Variants in CDH13 observed in about 807,000 individuals in gnomAD.
CDH13 encodes the protein cadherin 13.
In CDH13, 24 loss-of-function variants were observed where a neutral mutation model predicts 63.8. The observed-to-expected ratio is 0.38, with a 90% CI of 0.27 to 0.53. The LOEUF is 0.53. Among genes scored for constraint, CDH13 ranks in the 20% least tolerant of loss-of-function variants. CDH13 has a pLI of 0.85. For missense variants in CDH13, 1,049 were observed against 903.1 expected, an observed-to-expected ratio of 1.16 and a Z score of -2.07; for synonymous variants, 503 against 355.3, an observed-to-expected ratio of 1.42 and a Z score of -4.67.
intron 1 of CDH13, among the ~76,000 whole-genome samples, chr16:82,827,391 C>T (rs2038305887): frequency 6.6e-6 from 1 of 152,126 alleles, no homozygotes; most frequent in Non-Finnish European, 1.5e-5. Context: ...ATGTCTGCCA[C>T]TCACAGAGTG....
At chr16:83,691,692 G>C (rs1255869046) in intron 10 of CDH13, among the ~76,000 whole-genome samples, 1 of 152,042 alleles carries the variant, frequency 6.6e-6, no homozygotes, top group Non-Finnish European at 1.5e-5. Context: ...GTCTATGCAG[G>C]CCCCAGGGTA....
intron 4 of CDH13, among the ~76,000 whole-genome samples, chr16:83,126,469 G>T (rs1178835038): frequency 6.6e-6 from 1 of 152,150 alleles, no homozygotes; most frequent in Non-Finnish European, 1.5e-5. Flanking sequence ...GGCGGGAAGG[G>T]TAGTTTCATT....
At chr16:83,159,315 A>G (rs1409940130) in intron 4 of CDH13, among the ~76,000 whole-genome samples, 1 of 152,340 alleles carries the variant, frequency 6.6e-6, no homozygotes, top group East Asian at 1.9e-4. Context: ...CCAATGAAAG[A>G]CCAGAGAGAT....
chr16:82,834,815 A>G (rs1473199786), intron 1 of CDH13, among the ~76,000 whole-genome samples: 1 of 152,232 alleles, frequency 6.6e-6, no homozygotes, highest in Non-Finnish European at 1.5e-5. Flanking sequence ...CCAGCCTGCC[A>G]CTTGTGTGTG....
At chr16:83,380,652 T>A (rs893592991) in intron 6 of CDH13, among the ~76,000 whole-genome samples, 1 of 152,164 alleles carries the variant, frequency 6.6e-6, no homozygotes, top group Admixed American at 6.5e-5. Flanking sequence ...TCCAGGCCAC[T>A]TCATGGCTCA....
intron 2 of CDH13, among the ~76,000 whole-genome samples, chr16:82,896,000 A>G (rs930116442): frequency 7.2e-5 from 11 of 152,130 alleles, no homozygotes; most frequent in African/African-American, 2.4e-4. Context: ...GCTTCCTGTC[A>G]TTCAGTTCTC....
intron 6 of CDH13, among the ~76,000 whole-genome samples, chr16:83,409,110 G>A (rs1467045522): frequency 6.6e-6 from 1 of 152,158 alleles, no homozygotes; most frequent in African/African-American, 2.4e-5. Flanking sequence ...CAGTAGAAAA[G>A]TGAGGAAATA....
intron 2 of CDH13, among the ~76,000 whole-genome samples, chr16:82,957,518 G>C (rs1310465512): frequency 6.6e-6 from 1 of 152,120 alleles, no homozygotes; most frequent in East Asian, 1.9e-4. Flanking sequence ...ATAAAATTTA[G>C]AGAAGTCAGG....
rs114608290 is a variant in CDH13, at chr16:82,863,389, C to G, written c.157+4916C>G. 9.1e-3 allele frequency among the ~76,000 whole-genome samples: 1,393 copies of G among 152,344 alleles called. 26 individuals carry two copies. Among genetic ancestry groups the G allele is most frequent in the African/African-American group, 0.032 (1,348 of 41,592 alleles). ...CACTAGGGGAGGGACAGCACCTACT[C>G]ATGGACTCCAGTTGCTTCCTCCAAT... On this transcript the variant is annotated intron_variant, in intron 2 of 13. Coordinates refer to ENST00000567109, the MANE Select transcript of CDH13 (RefSeq NM_001257.5).
At chr16:83,681,794 G>A (rs1246243376) in intron 10 of CDH13, among the ~76,000 whole-genome samples, 23 of 152,172 alleles carry the variant, frequency 1.5e-4, no homozygotes, top group Admixed American at 1.5e-3. Flanking sequence ...GCTGCAGAGA[G>A]GGGCCAGGAT....
intron 2 of CDH13, among the ~76,000 whole-genome samples, chr16:82,967,659 A>AC (rs35233892): frequency 0.14 from 20,832 of 151,758 alleles, 1,785 homozygotes; most frequent in East Asian, 0.29. Flanking sequence ...GAGAACAGAG[A>AC]CCCCCCCAGC....
intron 11 of CDH13, among the ~76,000 whole-genome samples, chr16:83,770,706 C>T (rs1052223800): frequency 6.6e-6 from 1 of 152,136 alleles, no homozygotes; most frequent in Non-Finnish European, 1.5e-5. Context: ...CTGATGTTGC[C>T]ATGGCATTTG....
intron 1 of CDH13, among the ~76,000 whole-genome samples, chr16:82,792,761 C>T (rs1424456816): frequency 6.6e-6 from 1 of 152,208 alleles, no homozygotes; most frequent in Admixed American, 6.5e-5. Context: ...GAAATGTATA[C>T]CTCTGCTAGT....
At chr16:82,931,647 A>G (rs577406368) in intron 2 of CDH13, among the ~76,000 whole-genome samples, 1 of 152,280 alleles carries the variant, frequency 6.6e-6, no homozygotes, top group South Asian at 2.1e-4. Flanking sequence ...TCACAGTTCC[A>G]TGTGGCTGGG....
chr16:82,660,776 G>A (rs916457835), intron 1 of CDH13, among the ~76,000 whole-genome samples: 1 of 152,090 alleles, frequency 6.6e-6, no homozygotes, highest in Non-Finnish European at 1.5e-5. Context: ...ATGGCGGGTG[G>A]TTTTCTTTCC....
intron 7 of CDH13, among the ~76,000 whole-genome samples, chr16:83,570,428 C>G (rs189694362): frequency 1.8e-4 from 28 of 152,184 alleles, no homozygotes; most frequent in Non-Finnish European, 2.8e-4. Context: ...GCCATTTAAC[C>G]CAACCCTTTC....
intron 1 of CDH13, chr16:82,826,020 A>AT (rs2038233179): frequency 6.7e-6 from 1 of 149,218 alleles, no homozygotes; most frequent in Admixed American, 6.7e-5. Context: ...CACCGAGCTA[A>AT]TTTTTTGTAT....
Position 83,188,298 on chromosome 16 carries a change from C to T in CDH13, c.484-29047C>T, listed in dbSNP as rs555901035. On this transcript the variant is annotated intron_variant, in intron 4 of 13. Coordinates refer to ENST00000567109, the MANE Select transcript of CDH13 (RefSeq NM_001257.5). ...GCTCTAGAAGCAATGGGGGCTTGGC[C>T]CAGAGCAATGGTGGTGGAAGGGGAG... 9.9e-4 allele frequency among the ~76,000 whole-genome samples: 150 copies of T among 152,186 alleles called. 1 individual carries two copies. The highest frequency in any genetic ancestry group is 1.4e-3 in the Non-Finnish European group (93 of 68,000).
chr16:83,052,801 A>AAAAAAAAG lies in CDH13; in HGVS notation c.366+20586_366+20587insAAAAGAAA, dbSNP rs1555571697. Reference sequence around the variant, plus strand: ...CAAAAAAAAAAAAAAAAAAAAAAAAAAAAGAAAGAAATTAAACCTTAAATA... The same window carrying AAAAAAAAG: ...CAAAAAAAAAAAAAAAAAAAAAAAAAAAAAAAAGAAAGAAAGAAATTAAACCTTAAATA... On this transcript the variant is annotated intron_variant, in intron 3 of 13. Transcript: ENST00000567109. 1.1e-4 allele frequency among the ~76,000 whole-genome samples: 13 copies of AAAAAAAAG among 122,650 alleles called. 1 individual carries two copies. Among genetic ancestry groups the AAAAAAAAG allele is most frequent in the African/African-American group, 1.7e-4 (5 of 30,130 alleles). The allele number at this position is 122,650 out of a possible 152,430, so 80.5% of individuals were successfully genotyped here. A position where few individuals can be genotyped will look rare whatever the true frequency, so the allele number is the denominator to read the frequency against.
Sources: gnomAD v4.1 joint callset for allele counts (sites outside exome capture counted in the v4.1 genomes callset) on GRCh38, gnomAD v4.1.1 for gene constraint, MANE v1.5 for transcripts, NCBI Gene and HGNC (gene_info 2026-07-23, HGNC 2026-07-21) for gene names.